The following PSMA8 variants were observed in gnomAD, a reference collection of about 807,000 sequenced individuals.
PSMA8 encodes proteasome subunit alpha-type 8.
A neutral mutation model predicts 32.4 loss-of-function variants in PSMA8; 18 were observed. That is an observed-to-expected ratio of 0.56 (90% confidence interval 0.38 to 0.82). The LOEUF (loss-of-function observed/expected upper bound fraction) is 0.82. Ranked by LOEUF, PSMA8 falls within the 40% of genes least tolerant of loss-of-function variation. PSMA8 has a pLI of 0.00. For missense variants in PSMA8, 298 were observed against 300.7 expected (o/e 0.99, Z 0.07); for synonymous variants, 104 against 98.1 (o/e 1.06, Z -0.36).
chr18:26,191,607 TC>T (rs777120190), intron 6 of PSMA8, among the ~76,000 whole-genome samples: 1 of 151,696 alleles, frequency 6.6e-6, no homozygotes, highest in Non-Finnish European at 1.5e-5. Context: ...ATCACTGCAG[TC>T]CAGCCTGGGC....
At chr18:26,160,607 A>T (rs1207399337) in intron 4 of PSMA8, among the ~76,000 whole-genome samples, 4 of 152,200 alleles carry the variant, frequency 2.6e-5, no homozygotes, top group Non-Finnish European at 5.9e-5. Flanking sequence ...CTGACATACT[A>T]TACCAAGTAA....
rs1359705888 is a variant in PSMA8 at position 26,168,768 on chromosome 18, T to C, written c.478-10062T>C. Reference sequence around the variant, plus strand: ...GGAATATTGCCTGTGTTGGATCCTATTTGCTGGATTCATGTCATTCTCTGG... The same window carrying C: ...GGAATATTGCCTGTGTTGGATCCTACTTGCTGGATTCATGTCATTCTCTGG... On this transcript the variant is annotated intron_variant, in intron 4 of 6. Transcript: ENST00000415576. Among the ~76,000 whole-genome samples, 4 of 116,220 alleles carry C rather than the reference T, an allele frequency of 3.4e-5. No homozygotes were observed. In the South Asian group the frequency reaches 9.7e-4, roughly 28 times the overall value. 76.2% of individuals were successfully genotyped at this position (116,220 alleles called of 152,430 possible).
At chr18:26,137,567 T>C (rs2054922630) in intron 1 of PSMA8, among the ~76,000 whole-genome samples, 2 of 152,236 alleles carry the variant, frequency 1.3e-5, no homozygotes. Flanking sequence ...CTTAACAAAT[T>C]GTAGTTATTA....
At chr18:26,152,735 G>A (rs1430128882) in intron 3 of PSMA8, among the ~76,000 whole-genome samples, 1 of 152,202 alleles carries the variant, frequency 6.6e-6, no homozygotes, top group African/African-American at 2.4e-5. Context: ...GGACTAATGG[G>A]AGGAGTTTAG....
At chr18:26,146,878 G>C (rs143885874) in intron 2 of PSMA8, among the ~76,000 whole-genome samples, 1 of 152,140 alleles carries the variant, frequency 6.6e-6, no homozygotes, top group African/African-American at 2.4e-5. Context: ...TCACAGTTCC[G>C]TAGGCTGTAC....
At chr18:26,173,237 T>C (rs1349295716) in intron 4 of PSMA8, among the ~76,000 whole-genome samples, 1 of 152,204 alleles carries the variant, frequency 6.6e-6, no homozygotes, top group African/African-American at 2.4e-5. Flanking sequence ...TCAGCCACAC[T>C]GGCCTCTTTA....
At chr18:26,169,375 A>C (rs1466603269) in intron 4 of PSMA8, among the ~76,000 whole-genome samples, 1 of 133,566 alleles carries the variant, frequency 7.5e-6, no homozygotes, top group Non-Finnish European at 1.5e-5. Flanking sequence ...GCTACTTATA[A>C]CTTTAAAATA....
rs374642957 is a variant in PSMA8 at position 26,154,695 on chromosome 18, C to T, written c.354+2713C>T. 1.4e-3 allele frequency among the ~76,000 whole-genome samples: 207 copies of T among 152,322 alleles called. 8 individuals are homozygous for T. The East Asian group carries it at 0.027, about 20-fold the overall frequency. ...GTGGTGCAATCTTCTTGGCTCACTGCAACCTCCAACTCCCTCGTTCAAGTG... is the reference window on the plus strand; with the variant it reads ...GTGGTGCAATCTTCTTGGCTCACTGTAACCTCCAACTCCCTCGTTCAAGTG... On this transcript the variant is annotated intron_variant, in intron 3 of 6. Transcript: ENST00000415576.
At chr18:26,143,298 TG>T (rs1326678694) in intron 1 of PSMA8, among the ~76,000 whole-genome samples, 1 of 152,144 alleles carries the variant, frequency 6.6e-6, no homozygotes, top group Non-Finnish European at 1.5e-5. Flanking sequence ...TTAGGTTAAT[TG>T]ATGTGTCTAA....
intron 6 of PSMA8, among the ~76,000 whole-genome samples, chr18:26,185,977 C>T (rs967435816): frequency 6.7e-6 from 1 of 150,238 alleles, no homozygotes; most frequent in Non-Finnish European, 1.5e-5. Flanking sequence ...CATGGTGGCT[C>T]ATGCCTGTAA....
chr18:26,165,099 G>A (rs1034605983), intron 4 of PSMA8, among the ~76,000 whole-genome samples: 2 of 151,838 alleles, frequency 1.3e-5, no homozygotes, highest in African/African-American at 2.4e-5. Flanking sequence ...TAGGAGAGAC[G>A]GGGTTTCACG....
Position 26,151,898 on chromosome 18 carries a change from T to C in PSMA8, c.270T>C (p.Arg90=). The C allele has an allele frequency of 6.2e-7, 1 of 1,612,178 alleles. No individual in the cohort carries two copies. Among genetic ancestry groups the C allele is most frequent in the South Asian group, 1.1e-5 (1 of 90,796 alleles). ...ADARVVINRA[R]VECQSHKLTV... ...CTAGAGTAGTAATAAACAGAGCCCG[T>C]GTGGAGTGCCAGAGCCATAAGCTTA... The change falls in exon 3 of 7, where the codon CGT becomes CGC. Residue 90 remains arginine (R), a synonymous_variant. Coordinates refer to ENST00000415576, the MANE Select transcript of PSMA8 (RefSeq NM_001025096.2).
chr18:26,140,867 A>C (rs2054949683), intron 1 of PSMA8, among the ~76,000 whole-genome samples: 1 of 152,158 alleles, frequency 6.6e-6, no homozygotes, highest in African/African-American at 2.4e-5. Flanking sequence ...TTCTTTTCTG[A>C]AATTATTGCA....
chr18:26,190,113 T>C (rs2055389377), intron 6 of PSMA8, among the ~76,000 whole-genome samples: 1 of 152,052 alleles, frequency 6.6e-6, no homozygotes, highest in Non-Finnish European at 1.5e-5. Flanking sequence ...CTCATGGAGA[T>C]ACAGAGTAGA....
chr18:26,139,351 A>C (rs1208484977), intron 1 of PSMA8, among the ~76,000 whole-genome samples: 1 of 152,100 alleles, frequency 6.6e-6, no homozygotes, highest in African/African-American at 2.4e-5. Flanking sequence ...TGCCAACAAC[A>C]ATGCGAGTGA....
chr18:26,152,310 T>TTTTTTG (rs925466532), intron 3 of PSMA8, among the ~76,000 whole-genome samples: 3 of 151,984 alleles, frequency 2.0e-5, no homozygotes, highest in African/African-American at 4.8e-5. Context: ...TTTTGTTTTG[T>TTTTTTG]TTTTTGTTTT....
intron 6 of PSMA8, among the ~76,000 whole-genome samples, chr18:26,188,873 A>G (rs1361642653): frequency 1.3e-5 from 2 of 152,184 alleles, no homozygotes; most frequent in Non-Finnish European, 2.9e-5. Context: ...CTGTGACCTC[A>G]ATCTATAAAA....
intron 6 of PSMA8, among the ~76,000 whole-genome samples, chr18:26,182,384 G>T (rs940596893): frequency 6.6e-6 from 1 of 152,194 alleles, no homozygotes; most frequent in Non-Finnish European, 1.5e-5. Flanking sequence ...CTTGTTAGGG[G>T]ATAATGCAGC....
intron 4 of PSMA8, among the ~76,000 whole-genome samples, chr18:26,178,444 A>T (rs904814801): frequency 7.2e-5 from 11 of 151,986 alleles, no homozygotes; most frequent in African/African-American, 2.7e-4. Flanking sequence ...ACTACCAAAA[A>T]AATAATCAGC....
Sources: allele counts gnomAD v4.1 joint callset (sites outside exome capture counted in the v4.1 genomes callset), GRCh38; gene constraint gnomAD v4.1.1; transcripts MANE v1.5; gene names NCBI Gene and HGNC (gene_info 2026-07-23, HGNC 2026-07-21).